The following PIEZO2 variants were observed in gnomAD, a reference collection of about 807,000 sequenced individuals.
PIEZO2 encodes piezo type mechanosensitive ion channel component 2.
A neutral mutation model predicts 337.3 loss-of-function variants in PIEZO2; 172 were observed. That is an observed-to-expected ratio of 0.51 (90% CI 0.45 to 0.58). The LOEUF is 0.58. PIEZO2 is among the 20% of genes least tolerant of loss of function. The pLI, the probability that PIEZO2 is intolerant of heterozygous loss-of-function variation, is 0.00. For missense variants in PIEZO2, 3,028 were observed against 3,391.3 expected (o/e 0.89, Z 2.66); for synonymous variants, 1,251 against 1,228.5 (o/e 1.02, Z -0.38).
At chr18:11,062,546 C>A (rs1202157867) in intron 2 of PIEZO2, among the ~76,000 whole-genome samples, 3 of 152,082 alleles carry the variant, frequency 2.0e-5, no homozygotes, top group Non-Finnish European at 2.9e-5. Flanking sequence ...CTACAATGAA[C>A]CCAAACAAAT....
At chr18:10,782,352 T>C (rs1370332447) in intron 17 of PIEZO2, among the ~76,000 whole-genome samples, 2 of 57,052 alleles carry the variant, frequency 3.5e-5, no homozygotes, top group East Asian at 1.2e-3. Flanking sequence ...TATAATATAT[T>C]ATAATTATAT....
chr18:11,103,917 G>A (rs770677419), intron 1 of PIEZO2, among the ~76,000 whole-genome samples: 6 of 152,038 alleles, frequency 3.9e-5, no homozygotes, highest in Non-Finnish European at 4.4e-5. Flanking sequence ...CCTCAGCCTC[G>A]TGGGTTCAAG....
chr18:11,148,511 C>T lies in PIEZO2; in HGVS notation c.64+14G>A. 6.5e-7 allele frequency: 1 copy of T among 1,537,118 alleles called. No homozygotes were observed. Among genetic ancestry groups the T allele is most frequent in the East Asian group, 2.4e-5 (1 of 40,890 alleles). Reference sequence around the variant, plus strand: ...GTCCTCCTCAAGTGCCCTCGGAAAGCGGACCAGACTCACCTACTGCCAGGC... The same window carrying T: ...GTCCTCCTCAAGTGCCCTCGGAAAGTGGACCAGACTCACCTACTGCCAGGC... On this transcript the variant is annotated intron_variant, in intron 1 of 55. Coordinates refer to ENST00000674853, the MANE Select transcript of PIEZO2 (RefSeq NM_001378183.1). The surrounding 1 kb of genome is among the most constrained non-coding windows in gnomAD (Gnocchi z 5.2).
chr18:10,841,057 A>C (rs914794778), intron 7 of PIEZO2, among the ~76,000 whole-genome samples: 1 of 152,142 alleles, frequency 6.6e-6, no homozygotes, highest in Non-Finnish European at 1.5e-5. Flanking sequence ...CAACGTTTTG[A>C]ACTTTTGGCA....
At position 10,709,123 on chromosome 18, in the gene PIEZO2, CAG is replaced by C. The variant is rs376229289; in HGVS notation, c.5424-686_5424-685del. The stretch of plus-strand genomic sequence containing the variant: ...AAGAACAAAGGAACTTGAGCAATGG[CAG>C]AGTCATTTTGTCTGTTAACTTTTCA... On this transcript the variant is annotated intron_variant, in intron 39 of 55. Coordinates refer to ENST00000674853, the MANE Select transcript of PIEZO2 (RefSeq NM_001378183.1). 2.1e-3 allele frequency: 315 copies of C among 152,282 alleles called. 5 individuals carry two copies. Among genetic ancestry groups the C allele is most frequent in the African/African-American group, 7.3e-3 (303 of 41,560 alleles). 9.4% of individuals were successfully genotyped at this position (152,282 alleles called of 1,614,324 possible).
chr18:10,858,241 T>G (rs1333846258), intron 5 of PIEZO2, among the ~76,000 whole-genome samples: 1 of 147,386 alleles, frequency 6.8e-6, no homozygotes, highest in Non-Finnish European at 1.5e-5. Flanking sequence ...GAAAATTGCT[T>G]GAACCTGGGA....
At chr18:10,701,023 G>C (rs1655124045) in intron 43 of PIEZO2, among the ~76,000 whole-genome samples, 1 of 152,198 alleles carries the variant, frequency 6.6e-6, no homozygotes, top group African/African-American at 2.4e-5. Flanking sequence ...TAGGGCAGAA[G>C]AAGTTAAACA....
At chr18:11,086,977 A>C (rs1033754086) in intron 1 of PIEZO2, among the ~76,000 whole-genome samples, 2 of 152,194 alleles carry the variant, frequency 1.3e-5, no homozygotes, top group Non-Finnish European at 2.9e-5. Context: ...GTGTCCCCCC[A>C]AAATTCCTAT....
chr18:11,093,996 G>A (rs1299277321), intron 1 of PIEZO2, among the ~76,000 whole-genome samples: 1 of 146,720 alleles, frequency 6.8e-6, no homozygotes, highest in Non-Finnish European at 1.5e-5. Flanking sequence ...TTCTTTTTTT[G>A]AGACAGTGTC....
intron 3 of PIEZO2, among the ~76,000 whole-genome samples, chr18:10,925,227 T>G (rs1200513288): frequency 6.6e-6 from 1 of 152,238 alleles, no homozygotes; most frequent in Non-Finnish European, 1.5e-5. Flanking sequence ...AGTACCATAT[T>G]CCTGAGAACA....
At chr18:10,715,510 A>C in intron 38 of PIEZO2, 140 bp downstream of exon 38, 5 of 690,114 alleles carry the variant, frequency 7.2e-6, no homozygotes, top group Non-Finnish European at 1.1e-5. Context: ...AGATTTAAAT[A>C]TACAGAAAAG....
Position 10,750,724 on chromosome 18 carries a change from T to C in PIEZO2, c.4168-537A>G, listed in dbSNP as rs1346719798. 6.6e-6 allele frequency among the ~76,000 whole-genome samples: 1 copy of C among 152,204 alleles called. No homozygotes were observed. Among genetic ancestry groups the C allele is most frequent in the Non-Finnish European group, 1.5e-5 (1 of 68,030 alleles). On this transcript the variant is annotated intron_variant, in intron 28 of 55. Coordinates refer to ENST00000674853, the MANE Select transcript of PIEZO2 (RefSeq NM_001378183.1). This position sits in a 1 kb window ranked among gnomAD's most constrained non-coding sequence, Gnocchi z 4.1. ...GTGGTTGTCTCATAACAATGAATTT[T>C]TTGTTATAGTTAAGTTTAAATCCTG...
chr18:11,127,234 G>A lies in PIEZO2; in HGVS notation c.64+21291C>T, dbSNP rs1441009068. 2.6e-5 allele frequency among the ~76,000 whole-genome samples: 4 copies of A among 152,188 alleles called. No homozygotes were observed. The highest frequency in any genetic ancestry group is 4.4e-5 in the Non-Finnish European group (3 of 68,034). Reference sequence around the variant, plus strand: ...TCCCTGAGGAGGTGACATTTAGGCTGAGATATAGGAGGAAACGCTCATCAG... The same window carrying A: ...TCCCTGAGGAGGTGACATTTAGGCTAAGATATAGGAGGAAACGCTCATCAG... On this transcript the variant is annotated intron_variant, in intron 1 of 55. Coordinates refer to ENST00000674853, the MANE Select transcript of PIEZO2 (RefSeq NM_001378183.1). The surrounding 1 kb of genome is among the most constrained non-coding windows in gnomAD (Gnocchi z 4.5).
rs574311491 is a variant in PIEZO2 at position 11,024,759 on chromosome 18, C to T, written c.160+41368G>A. 3.1e-4 allele frequency among the ~76,000 whole-genome samples: 47 copies of T among 151,744 alleles called. No homozygotes were observed. In the South Asian group the frequency reaches 5.0e-3, roughly 16 times the overall value. ...GGATTCAAGTGATTCTCGTCTCAGCCTCCTGAGTAGCTGGGATTATAGGCA... is the reference window on the plus strand; with the variant it reads ...GGATTCAAGTGATTCTCGTCTCAGCTTCCTGAGTAGCTGGGATTATAGGCA... On this transcript the variant is annotated intron_variant, in intron 2 of 55. Transcript: ENST00000674853.
In PIEZO2 at chr18:11,070,171, G is replaced by A. The variant is rs1004776062; in HGVS notation, c.65-3949C>T. On this transcript the variant is annotated intron_variant, in intron 1 of 55. Transcript: ENST00000674853. The surrounding 1 kb of genome is among the most constrained non-coding windows in gnomAD (Gnocchi z 4.3). ...CATATGGTGTAGCCTACTGCTCCTA[G>A]GCCAAAAACCTATGCAGCATATGTT... is the stretch of plus-strand genomic sequence containing the variant. Among the ~76,000 whole-genome samples the A allele has an allele frequency of 2.0e-5, 3 of 152,116 alleles. No homozygotes were observed. The highest frequency in any genetic ancestry group is 4.8e-5 in the African/African-American group (2 of 41,422).
rs1289846019 is a variant in PIEZO2, at chr18:11,077,004, A to G, written c.65-10782T>C. 6.6e-6 allele frequency among the ~76,000 whole-genome samples: 1 copy of G among 152,216 alleles called. No individual in the cohort carries two copies. Among genetic ancestry groups the G allele is most frequent in the African/African-American group, 2.4e-5 (1 of 41,462 alleles). Reference sequence around the variant, plus strand: ...CCATAATTGTCTCTGATCTGACAGAATAGCACCACACATTGCCTCTCATAA... The same window carrying G: ...CCATAATTGTCTCTGATCTGACAGAGTAGCACCACACATTGCCTCTCATAA... On this transcript the variant is annotated intron_variant, in intron 1 of 55. Coordinates refer to ENST00000674853, the MANE Select transcript of PIEZO2 (RefSeq NM_001378183.1). This position sits in a 1 kb window ranked among gnomAD's most constrained non-coding sequence, Gnocchi z 4.8.
intron 36 of PIEZO2, among the ~76,000 whole-genome samples, chr18:10,723,790 G>C (rs9962604): frequency 0.046 from 6,986 of 152,218 alleles, 535 homozygotes; most frequent in African/African-American, 0.16. Context: ...AGGGGACAAG[G>C]CAGAGATTGG....
chr18:10,920,182 C>A (rs909693762), intron 3 of PIEZO2, among the ~76,000 whole-genome samples: 1 of 152,122 alleles, frequency 6.6e-6, no homozygotes, highest in African/African-American at 2.4e-5. Context: ...TTATCAATAT[C>A]ATGATCACCC....
Position 11,077,129 on chromosome 18 carries a change from G to A in PIEZO2, c.65-10907C>T, listed in dbSNP as rs1288541661. Among the ~76,000 whole-genome samples, 1 of 152,136 alleles carries A rather than the reference G, an allele frequency of 6.6e-6. No individual in the cohort carries two copies. Among genetic ancestry groups the A allele is most frequent in the African/African-American group, 2.4e-5 (1 of 41,428 alleles). On this transcript the variant is annotated intron_variant, in intron 1 of 55. Coordinates refer to ENST00000674853, the MANE Select transcript of PIEZO2 (RefSeq NM_001378183.1). This position sits in a 1 kb window ranked among gnomAD's most constrained non-coding sequence, Gnocchi z 4.8. ...AGACCTATTTCATTATGAATATAAA[G>A]AGCCCTTCACTGAAATCCACAGTTC...
Sources: allele counts gnomAD v4.1 joint callset (sites outside exome capture counted in the v4.1 genomes callset), GRCh38; gene constraint gnomAD v4.1.1; non-coding constraint Gnocchi (gnomAD v3.1); transcripts MANE v1.5; gene names NCBI Gene and HGNC (gene_info 2026-07-23, HGNC 2026-07-21).